Variants in MYT1L observed in about 807,000 individuals in gnomAD.
The protein encoded by MYT1L is myelin transcription factor 1-like protein.
Under a neutral mutation model 126.7 loss-of-function variants are expected in MYT1L, and 12 were observed. The ratio of observed to expected loss-of-function variants is 0.09; its 90% confidence interval spans 0.06 to 0.15. MYT1L has a LOEUF of 0.15. Among genes scored for constraint, MYT1L ranks in the 10% least tolerant of loss-of-function variants. MYT1L has a pLI of 1.00. For synonymous variants in MYT1L, 541 were observed against 604.2 expected (o/e 0.90, Z 1.53); for missense variants, 979 against 1,585.2 (o/e 0.62, Z 6.49).
At chr2:1,818,713 C>T (rs2038067550) in intron 21 of MYT1L, among the ~76,000 whole-genome samples, 1 of 152,156 alleles carries the variant, frequency 6.6e-6, no homozygotes, top group South Asian at 2.1e-4. Flanking sequence ...GGAGGGTGTT[C>T]TTGGAGCCAC....
At chr2:2,014,055 C>A (rs185251738) in intron 4 of MYT1L, among the ~76,000 whole-genome samples, 2 of 152,322 alleles carry the variant, frequency 1.3e-5, no homozygotes, top group African/African-American at 4.8e-5. Flanking sequence ...TAGTAAATAA[C>A]AACTAACTGC....
At chr2:1,839,831 G>A (rs2041418785) in intron 20 of MYT1L, among the ~76,000 whole-genome samples, 1 of 152,216 alleles carries the variant, frequency 6.6e-6, no homozygotes, top group South Asian at 2.1e-4. Context: ...TATTTGTCTG[G>A]CCGTATCTTC....
At chr2:1,888,329 GA>G (rs1319696386) in intron 16 of MYT1L, among the ~76,000 whole-genome samples, 1 of 152,088 alleles carries the variant, frequency 6.6e-6, no homozygotes, top group Non-Finnish European at 1.5e-5. Flanking sequence ...CACTGCGGGA[GA>G]AAAAAATACT....
At chr2:2,165,736 T>C (rs1402140859) in intron 3 of MYT1L, among the ~76,000 whole-genome samples, 2 of 152,094 alleles carry the variant, frequency 1.3e-5, no homozygotes, top group African/African-American at 2.4e-5. Flanking sequence ...TATTCAAAAA[T>C]ACTTTTTAGA....
intron 1 of MYT1L, among the ~76,000 whole-genome samples, chr2:2,300,340 G>A (rs757088807): frequency 8.5e-5 from 13 of 152,080 alleles, no homozygotes; most frequent in Non-Finnish European, 1.9e-4. Context: ...TAATATCTTT[G>A]TTTCATAGAA....
At chr2:1,831,267 C>T (rs970006079) in intron 21 of MYT1L, among the ~76,000 whole-genome samples, 77 of 152,340 alleles carry the variant, frequency 5.1e-4, no homozygotes, top group African/African-American at 1.8e-3. Context: ...AGTGCAGTTA[C>T]AGCCACATTT....
chr2:2,005,941 T>C (rs923560227), intron 4 of MYT1L, among the ~76,000 whole-genome samples: 18 of 150,560 alleles, frequency 1.2e-4, no homozygotes, highest in African/African-American at 4.2e-4. Context: ...CTTTCCTGCA[T>C]GTGTTCTTTC....
chr2:2,330,344 C>A (rs1485897798), intron 1 of MYT1L, among the ~76,000 whole-genome samples: 1 of 152,010 alleles, frequency 6.6e-6, no homozygotes, highest in Non-Finnish European at 1.5e-5. Context: ...TAAATATTTA[C>A]ATATATATTT....
In MYT1L at chr2:2,059,972, C is replaced by G. The variant is rs575049005; in HGVS notation, c.-303-5849G>C. Among the ~76,000 whole-genome samples the G allele has an allele frequency of 1.4e-4, 21 of 152,326 alleles. 1 individual carries two copies. The South Asian group carries it at 4.3e-3, about 32-fold the overall frequency. Reference sequence around the variant, plus strand: ...ACCACGAGCTCGTCAGGGCAGGGGACAGAGCCCATTAGATTCTAAACCCCA... The same window carrying G: ...ACCACGAGCTCGTCAGGGCAGGGGAGAGAGCCCATTAGATTCTAAACCCCA... On this transcript the variant is annotated intron_variant, in intron 3 of 24. Transcript: ENST00000647738. This position sits in a 1 kb window ranked among gnomAD's most constrained non-coding sequence, Gnocchi z 4.7.
At chr2:1,820,762 G>T (rs1230817752) in intron 21 of MYT1L, among the ~76,000 whole-genome samples, 1 of 152,102 alleles carries the variant, frequency 6.6e-6, no homozygotes, top group Non-Finnish European at 1.5e-5. Flanking sequence ...GCCCAGGTTG[G>T]TCTTAAACTC....
rs184598591 is a variant in MYT1L, at chr2:1,914,823, T to C, written c.1618+2382A>G. 7.9e-5 allele frequency among the ~76,000 whole-genome samples: 12 copies of C among 152,328 alleles called. No individual in the cohort carries two copies. In the South Asian group the frequency reaches 1.7e-3, roughly 21 times the overall value. ...GGATGTTTCGTGAATCTGCCCCAGC[T>C]TTTCCATTCCCACAACCACTGTCTT... On this transcript the variant is annotated intron_variant, in intron 11 of 24. Coordinates refer to ENST00000647738, the MANE Select transcript of MYT1L (RefSeq NM_001303052.2).
intron 2 of MYT1L, among the ~76,000 whole-genome samples, chr2:2,230,974 G>A (rs565050732): frequency 2.6e-5 from 4 of 152,116 alleles, no homozygotes; most frequent in Non-Finnish European, 5.9e-5. Context: ...ACTGGCCCAG[G>A]CAGACAGACC....
At chr2:2,156,099 G>A (rs1270362343) in intron 3 of MYT1L, among the ~76,000 whole-genome samples, 2 of 152,144 alleles carry the variant, frequency 1.3e-5, no homozygotes, top group Admixed American at 6.6e-5. Flanking sequence ...CCTTAAATGT[G>A]TTCTTCCTTA....
intron 1 of MYT1L, chr2:2,303,745 C>G (rs2095819585): frequency 6.6e-6 from 1 of 152,222 alleles, no homozygotes; most frequent in South Asian, 2.1e-4. Flanking sequence ...AGGAGGGAAG[C>G]AGCTTGTCTG....
chr2:1,955,160 G>T (rs2058235512), intron 8 of MYT1L, among the ~76,000 whole-genome samples: 1 of 149,006 alleles, frequency 6.7e-6, no homozygotes, highest in Non-Finnish European at 1.5e-5. Flanking sequence ...AAAAAAATAT[G>T]ATTCTACGAG....
chr2:1,947,240 C>G (rs1040641013), intron 8 of MYT1L, among the ~76,000 whole-genome samples: 1 of 152,164 alleles, frequency 6.6e-6, no homozygotes, highest in African/African-American at 2.4e-5. Flanking sequence ...TCTCCCTGCT[C>G]ATTCACACGC....
chr2:1,824,092 C>T (rs12714324), intron 21 of MYT1L, among the ~76,000 whole-genome samples: 3,708 of 152,252 alleles, frequency 0.024, 67 homozygotes, highest in East Asian at 0.063. Context: ...GGTTGGGGAA[C>T]GTTTTTAGTT....
intron 21 of MYT1L, among the ~76,000 whole-genome samples, chr2:1,823,253 C>T (rs2038815236): frequency 6.6e-6 from 1 of 152,124 alleles, no homozygotes; most frequent in Non-Finnish European, 1.5e-5. Context: ...CTGTTATAGT[C>T]GTGGTGGTTG....
chr2:2,072,474 C>G (rs770039024), intron 3 of MYT1L, among the ~76,000 whole-genome samples: 1 of 152,188 alleles, frequency 6.6e-6, no homozygotes, highest in East Asian at 1.9e-4. Context: ...GTCCTCAATT[C>G]TGCCAGAAAA....
Sources: gnomAD v4.1 joint callset for allele counts (sites outside exome capture counted in the v4.1 genomes callset) on GRCh38, gnomAD v4.1.1 for gene constraint, Gnocchi (gnomAD v3.1) non-coding constraint, MANE v1.5 for transcripts, NCBI Gene and HGNC (gene_info 2026-07-23, HGNC 2026-07-21) for gene names.